ZBTB37: variants seen among roughly 807,000 people sequenced by gnomAD.
ZBTB37 encodes the protein zinc finger and BTB domain containing 37.
ZBTB37 carries 15 observed loss-of-function variants against 37.7 expected under a neutral mutation model. The ratio of observed to expected loss-of-function variants is 0.40; its 90% confidence interval spans 0.27 to 0.61. The LOEUF (loss-of-function observed/expected upper bound fraction) is 0.61. ZBTB37 is among the 20% of genes least tolerant of loss of function. ZBTB37 has a pLI of 0.44. For missense variants in ZBTB37, 514 were observed against 641.9 expected (o/e 0.80, Z 2.15); for synonymous variants, 231 against 220.6 (o/e 1.05, Z -0.42).
chr1:173,871,493 T>C (rs1465734158), intron 3 of ZBTB37, among the ~76,000 whole-genome samples: 2 of 152,218 alleles, frequency 1.3e-5, no homozygotes, highest in African/African-American at 2.4e-5. Context: ...CCTAGCAGCA[T>C]TGCCCTTCCT....
chr1:173,872,059 T>TTTTTA (rs1237611740), intron 3 of ZBTB37, among the ~76,000 whole-genome samples: 19 of 152,308 alleles, frequency 1.2e-4, no homozygotes, highest in African/African-American at 4.3e-4. Flanking sequence ...TCAGGTGGTC[T>TTTTTA]TTTTATTTTA....
intron 4 of ZBTB37, among the ~76,000 whole-genome samples, chr1:173,880,334 T>C (rs1656229308): frequency 6.6e-6 from 1 of 152,190 alleles, no homozygotes; most frequent in Admixed American, 6.5e-5. Context: ...TCAAAAACAT[T>C]AATACACCAA....
exon 4 of ZBTB37, chr1:173,894,745 C>T (rs1017494340): frequency 6.6e-6 from 1 of 152,112 alleles, no homozygotes; most frequent in Admixed American, 6.5e-5. Context: ...AATACCCTAC[C>T]ACTTTATGGA....
At chr1:173,885,155 T>C (rs1450093832) in intron 4 of ZBTB37, among the ~76,000 whole-genome samples, 2 of 152,108 alleles carry the variant, frequency 1.3e-5, no homozygotes, top group East Asian at 3.8e-4. Flanking sequence ...GATCATCTGA[T>C]CCTGAGGAGG....
downstream of ZBTB37, chr1:173,890,963 TTTGG>T (rs1476110647): frequency 2.0e-5 from 3 of 152,216 alleles, no homozygotes; most frequent in African/African-American, 7.2e-5. Context: ...TTTATAATAG[TTTGG>T]TTGAAGTTTT....
chr1:173,879,678 G>A (rs1356406572), intron 4 of ZBTB37, among the ~76,000 whole-genome samples: 1 of 152,166 alleles, frequency 6.6e-6, no homozygotes, highest in Non-Finnish European at 1.5e-5. Context: ...TCGGCTGGGC[G>A]AGGTGGCTCA....
At chr1:173,894,694 A>G (rs182793103) in exon 4 of ZBTB37, 10 of 152,358 alleles carry the variant, frequency 6.6e-5, no homozygotes, top group Admixed American at 5.9e-4. Context: ...TGAAGGGGGA[A>G]AAAAGAACTC....
intron 4 of ZBTB37, among the ~76,000 whole-genome samples, chr1:173,882,233 G>GTT (rs1656356275): frequency 1.5e-5 from 2 of 130,280 alleles, no homozygotes; most frequent in African/African-American, 5.8e-5. Context: ...TCTGATGGTA[G>GTT]TTTCTTTTTT....
intron 1 of ZBTB37, chr1:173,868,611 C>G (rs867179473): frequency 2.6e-5 from 4 of 152,480 alleles, no homozygotes; most frequent in African/African-American, 9.6e-5. Context: ...CGCGGGGCCC[C>G]TCCCTCAGGA....
chr1:173,886,047 G>C, exon 5 of ZBTB37: 2 of 1,551,736 alleles, frequency 1.3e-6, no homozygotes, highest in East Asian at 2.4e-5. Flanking sequence ...AGCTGAGGAA[G>C]AGTCACCTTC....
Position 173,870,916 on chromosome 1 carries a change from G to T in ZBTB37, c.691G>T (p.Gly231Cys). 6.2e-7 allele frequency: 1 copy of T among 1,614,190 alleles called. No homozygotes were observed. Among genetic ancestry groups the T allele is most frequent in the Non-Finnish European group, 8.5e-7 (1 of 1,180,038 alleles). Residue 231 changes from glycine (G) to cysteine (C), a missense_variant, in exon 3 of 5, where the codon GGT becomes TGT. Transcript: ENST00000427304. ...GGAGACAGGAGTGGCGGACCGTGGG[G>T]GTCGGAGTGATGATGAAGTTAGAGT...
intron 4 of ZBTB37, among the ~76,000 whole-genome samples, chr1:173,877,805 A>G (rs1434998946): frequency 2.6e-5 from 4 of 152,300 alleles, no homozygotes; most frequent in Non-Finnish European, 4.4e-5. Flanking sequence ...TTCCTCTACT[A>G]CAGAGAACTA....
chr1:173,900,874 C>T (rs1408211919), exon 4 of ZBTB37: 10 of 152,138 alleles, frequency 6.6e-5, no homozygotes, highest in Non-Finnish European at 1.5e-4. Context: ...AGAGTAGCCC[C>T]CTTAGGGTTT....
chr1:173,902,986 A>G (rs1024816641), exon 4 of ZBTB37: 1 of 152,238 alleles, frequency 6.6e-6, no homozygotes, highest in Non-Finnish European at 1.5e-5. Flanking sequence ...GATTATTTTC[A>G]CAGCTACCAA....
rs1439393805 is a variant in ZBTB37 at position 173,870,750 on chromosome 1, A to AGCC, written c.526_527insCCG (p.Arg175_Gly176insAla). 3.7e-6 allele frequency: 6 copies of AGCC among 1,614,234 alleles called. No individual in the cohort carries two copies. The South Asian group carries it at 5.5e-5, about 15-fold the overall frequency. On this transcript the variant is annotated inframe_insertion, in exon 3 of 5. Coordinates refer to ENST00000427304, the Ensembl canonical transcript of ZBTB37. Reference sequence around the variant, plus strand: ...ATAATACCCCAAAGGGAAACCGGCGAGGTCAGGTTAGTGCTGTGCTGGATA... The same window carrying AGCC: ...ATAATACCCCAAAGGGAAACCGGCGAGCCGGTCAGGTTAGTGCTGTGCTGGATA...
exon 5 of ZBTB37, chr1:173,886,096 G>T (rs935645567): frequency 1.3e-6 from 2 of 1,551,504 alleles, no homozygotes; most frequent in Admixed American, 3.9e-5. Flanking sequence ...GCTGTCCAGG[G>T]CTCTGTGTCC....
exon 4 of ZBTB37, chr1:173,892,030 G>A (rs1239583287): frequency 6.6e-6 from 1 of 152,174 alleles, no homozygotes; most frequent in Non-Finnish European, 1.5e-5. Context: ...TACCCTCTGA[G>A]TAATAGATAA....
exon 5 of ZBTB37, chr1:173,886,530 C>T (rs894450783): frequency 6.2e-6 from 1 of 161,360 alleles, no homozygotes; most frequent in African/African-American, 2.4e-5. Flanking sequence ...GGAGCCTCAA[C>T]CATCCGAAGC....
At chr1:173,898,678 A>C (rs1042350191) in exon 4 of ZBTB37, 1 of 152,194 alleles carries the variant, frequency 6.6e-6, no homozygotes, top group Non-Finnish European at 1.5e-5. Context: ...TAGGTGTCAG[A>C]AAGTTGTTTC....
Sources: allele counts gnomAD v4.1 joint callset (sites outside exome capture counted in the v4.1 genomes callset), GRCh38; gene constraint gnomAD v4.1.1; transcripts MANE v1.5; gene names NCBI Gene and HGNC (gene_info 2026-07-23, HGNC 2026-07-21).